SDK2: variants seen among roughly 807,000 people sequenced by gnomAD.
SDK2 encodes protein sidekick-2.
In SDK2, 105 loss-of-function variants were observed where a neutral mutation model predicts 253.9. That is an observed-to-expected ratio of 0.41 (90% CI 0.35 to 0.49). The LOEUF (loss-of-function observed/expected upper bound fraction) is 0.49. Ranked by LOEUF, SDK2 falls within the 20% of genes least tolerant of loss-of-function variation. The pLI, the probability that SDK2 is intolerant of heterozygous loss-of-function variation, is 0.06. For synonymous variants in SDK2, 1,249 were observed against 1,234.9 expected (o/e 1.01, Z -0.24); for missense variants, 2,608 against 3,003.0 (o/e 0.87, Z 3.07).
chr17:73,453,469 C>T (rs1205113890), intron 4 of SDK2, among the ~76,000 whole-genome samples: 2 of 151,866 alleles, frequency 1.3e-5, no homozygotes, highest in South Asian at 2.1e-4. Flanking sequence ...CCTCTGCCTC[C>T]CAGGTTCAAG....
chr17:73,445,388 G>A (rs561307508), intron 5 of SDK2, among the ~76,000 whole-genome samples: 2 of 152,340 alleles, frequency 1.3e-5, no homozygotes, highest in Non-Finnish European at 2.9e-5. Flanking sequence ...TTTCGACAGT[G>A]TAGCCCTGAT....
intron 1 of SDK2, among the ~76,000 whole-genome samples, chr17:73,571,718 C>T (rs1033224774): frequency 4.6e-5 from 7 of 152,214 alleles, no homozygotes; most frequent in Admixed American, 2.0e-4. Flanking sequence ...CCGTTTCCCG[C>T]CCGGCCTGCC....
rs2063060129 is a variant in SDK2, at chr17:73,405,100, G to A, written c.2485-2959C>T. Among the ~76,000 whole-genome samples the A allele has an allele frequency of 3.4e-5, 4 of 117,554 alleles. No homozygotes were observed. The Admixed American group carries it at 3.6e-4, about 10-fold the overall frequency. 77.1% of individuals were successfully genotyped at this position (117,554 alleles called of 152,430 possible). The stretch of plus-strand genomic sequence containing the variant: ...CCCTGGTGGAGGCAGTACTCTACAG[G>A]GTTGAAGGTGTAGGATGATGTATAT... On this transcript the variant is annotated intron_variant, in intron 18 of 44. Transcript: ENST00000392650.
intron 1 of SDK2, among the ~76,000 whole-genome samples, chr17:73,611,622 A>C (rs2045975933): frequency 6.6e-6 from 1 of 152,228 alleles, no homozygotes; most frequent in African/African-American, 2.4e-5. Flanking sequence ...TGTGACCTGC[A>C]GAGGCTTTCC....
chr17:73,451,007 G>C (rs2063486560), intron 4 of SDK2, among the ~76,000 whole-genome samples: 1 of 152,260 alleles, frequency 6.6e-6, no homozygotes, highest in African/African-American at 2.4e-5. Context: ...GCCAGAGACA[G>C]ACTTTGCATC....
At chr17:73,393,774 G>A (rs769027440) in intron 26 of SDK2, 25 bp from the exon 27 acceptor site, 28 of 1,520,810 alleles carry the variant, frequency 1.8e-5, no homozygotes, top group African/African-American at 1.6e-4. Context: ...CACAGGGTGA[G>A]GGCCTCAGGC....
At chr17:73,558,136 A>G (rs939990021) in intron 1 of SDK2, among the ~76,000 whole-genome samples, 1 of 152,218 alleles carries the variant, frequency 6.6e-6, no homozygotes, top group Non-Finnish European at 1.5e-5. Context: ...CCTTCTGCTG[A>G]GGCAGGAGGG....
chr17:73,377,933 T>C (rs79894860), intron 36 of SDK2, among the ~76,000 whole-genome samples: 15,231 of 151,788 alleles, frequency 0.1, 2,204 homozygotes, highest in African/African-American at 0.32. Flanking sequence ...TTTGTGATCT[T>C]ACCAGGTCAA....
chr17:73,419,267 C>T lies in SDK2; in HGVS notation c.2085G>A (p.Gln695=), dbSNP rs1422664592. 2.5e-6 allele frequency: 4 copies of T among 1,612,990 alleles called. No individual in the cohort carries two copies. Among genetic ancestry groups the T allele is most frequent in the Non-Finnish European group, 3.4e-6 (4 of 1,179,720 alleles). ...TGGTTCGACCGCTGGCGATGACGTT[C>T]TGTGGAGGGGCCGTGGGGGGCTCCT... ...LPEEPPTAPP[Q]NVIASGRTNQ... The change falls in exon 16 of 45, where the codon CAG becomes CAA. Residue 695 remains glutamine, a synonymous_variant. Coordinates refer to ENST00000392650, the MANE Select transcript of SDK2 (RefSeq NM_001144952.2).
chr17:73,415,742 G>A (rs181418891), intron 17 of SDK2, 69 bp downstream of exon 17: 3 of 1,364,108 alleles, frequency 2.2e-6, no homozygotes, highest in Admixed American at 2.1e-5. Flanking sequence ...TCCCGTCTTG[G>A]CGTCCCAAAG....
rs1359618774 is a variant in SDK2, at chr17:73,642,859, C to T, written c.64+1166G>A. ...GTGAGTGAGAGCTGATTATTTTCAT[C>T]TCTTTGATCTTGGCTCTCTGGATTG... On this transcript the variant is annotated intron_variant, in intron 1 of 44. Transcript: ENST00000392650. This position sits in a 1 kb window ranked among gnomAD's most constrained non-coding sequence, Gnocchi z 4.7. 6.6e-6 allele frequency among the ~76,000 whole-genome samples: 1 copy of T among 152,192 alleles called. No individual in the cohort carries two copies. Among genetic ancestry groups the T allele is most frequent in the Admixed American group, 6.5e-5 (1 of 15,284 alleles).
chr17:73,412,189 T>A (rs1015594279), intron 18 of SDK2, among the ~76,000 whole-genome samples: 1 of 148,734 alleles, frequency 6.7e-6, no homozygotes, highest in Non-Finnish European at 1.5e-5. Flanking sequence ...TATATGCACA[T>A]ACACACATAT....
chr17:73,478,076 G>A (rs1296317887), intron 2 of SDK2, among the ~76,000 whole-genome samples: 1 of 152,148 alleles, frequency 6.6e-6, no homozygotes, highest in Non-Finnish European at 1.5e-5. Flanking sequence ...CAGCTGCCCT[G>A]TCATCCTGAT....
intron 18 of SDK2, among the ~76,000 whole-genome samples, chr17:73,404,297 G>A (rs2063053305): frequency 6.6e-6 from 1 of 152,136 alleles, no homozygotes. Flanking sequence ...GTGGAGAGGA[G>A]GAGGCTTGGG....
rs2145515528 is a variant in SDK2 at position 73,398,076 on chromosome 17, G to A, written c.3313C>T (p.Leu1105=). The A allele has an allele frequency of 6.2e-7, 1 of 1,613,428 alleles. No individual in the cohort carries two copies. The highest frequency in any genetic ancestry group is 1.7e-5 in the Admixed American group (1 of 60,022). ...PPDMAPANVS[L]RTASETSLWL... The stretch of plus-strand genomic sequence containing the variant: ...AGGCTGGTCTCACTGGCTGTGCGCA[G>A]AGACACATTGGCTGGGGCCATGTCA... Residue 1105 remains leucine (L), a synonymous_variant, in exon 24 of 45, where the codon CTG becomes TTG. Transcript: ENST00000392650.
At chr17:73,425,235 G>GC (rs910456937) in intron 12 of SDK2, among the ~76,000 whole-genome samples, 13 of 151,620 alleles carry the variant, frequency 8.6e-5, no homozygotes, top group East Asian at 7.8e-4. Flanking sequence ...CACACAAAAA[G>GC]CCCCCCCAAA....
In SDK2 at chr17:73,603,904, A is replaced by G. The variant is rs373303095; in HGVS notation, c.64+40121T>C. On this transcript the variant is annotated intron_variant, in intron 1 of 44. Coordinates refer to ENST00000392650, the MANE Select transcript of SDK2 (RefSeq NM_001144952.2). ...CTGGGATCAGAGGTCAGCGGCCACAATGAGTGTCCTCTTAGCAGAGCCCTG... is the reference window on the plus strand; with the variant it reads ...CTGGGATCAGAGGTCAGCGGCCACAGTGAGTGTCCTCTTAGCAGAGCCCTG... Among the ~76,000 whole-genome samples, 4 of 152,194 alleles carry G rather than the reference A, an allele frequency of 2.6e-5. No individual in the cohort carries two copies. In the East Asian group the frequency reaches 5.8e-4, roughly 22 times the overall value.
chr17:73,416,021 G>A, intron 16 of SDK2, 29 bp from the exon 17 acceptor site: 2 of 1,591,530 alleles, frequency 1.3e-6, no homozygotes, highest in Non-Finnish European at 1.7e-6. Flanking sequence ...GCACAGTGGA[G>A]TCAGAGTCAG....
intron 21 of SDK2, among the ~76,000 whole-genome samples, chr17:73,399,745 G>A (rs1313466039): frequency 5.9e-5 from 9 of 152,212 alleles, no homozygotes. Flanking sequence ...AGGATGGGTG[G>A]GGACAGGGGG....
Sources: gnomAD v4.1 joint callset for allele counts (sites outside exome capture counted in the v4.1 genomes callset) on GRCh38, gnomAD v4.1.1 for gene constraint, Gnocchi (gnomAD v3.1) non-coding constraint, MANE v1.5 for transcripts, NCBI Gene and HGNC (gene_info 2026-07-23, HGNC 2026-07-21) for gene names.